Variants in SMG6 observed in about 807,000 individuals in gnomAD.
SMG6 encodes the protein telomerase-binding protein EST1A.
In SMG6, 66 loss-of-function variants were observed where a neutral mutation model predicts 142.2. That is an observed-to-expected ratio of 0.46 (90% CI 0.38 to 0.57). SMG6 has a LOEUF of 0.57. Among genes scored for constraint, SMG6 ranks in the 20% least tolerant of loss-of-function variants. The pLI is 0.00. For missense variants in SMG6, 1,793 were observed against 1,832.0 expected (o/e 0.98, Z 0.39); for synonymous variants, 779 against 702.4 (o/e 1.11, Z -1.72).
chr17:2,080,756 C>T (rs2068397280), intron 15 of SMG6, among the ~76,000 whole-genome samples: 1 of 152,018 alleles, frequency 6.6e-6, no homozygotes, highest in African/African-American at 2.4e-5. Context: ...TTGCCTCAGC[C>T]TCCTGAGTAG....
intron 13 of SMG6, among the ~76,000 whole-genome samples, chr17:2,129,028 G>C (rs551591485): frequency 6.6e-6 from 1 of 152,286 alleles, no homozygotes; most frequent in South Asian, 2.1e-4. Context: ...ACTATTTTAG[G>C]AAGAAAATGA....
At chr17:2,161,920 A>C (rs2071191197) in intron 13 of SMG6, among the ~76,000 whole-genome samples, 1 of 152,164 alleles carries the variant, frequency 6.6e-6, no homozygotes, top group Admixed American at 6.6e-5. Flanking sequence ...AGTCCCTTTA[A>C]ATATCTATGA....
chr17:2,243,582 G>A (rs1409205192), intron 9 of SMG6, among the ~76,000 whole-genome samples: 1 of 152,198 alleles, frequency 6.6e-6, no homozygotes, highest in Non-Finnish European at 1.5e-5. Flanking sequence ...TTGGGGGGCT[G>A]AGGCAGAAGA....
At chr17:2,134,908 C>CTCA (rs2070244821) in intron 13 of SMG6, among the ~76,000 whole-genome samples, 1 of 151,250 alleles carries the variant, frequency 6.6e-6, no homozygotes, top group African/African-American at 2.4e-5. Flanking sequence ...GAGACAGAGT[C>CTCA]TCACTCTGTC....
At chr17:2,303,444 G>A in intron 1 of SMG6, 189 bp downstream of exon 1, 1 of 1,303,888 alleles carries the variant, frequency 7.7e-7, no homozygotes, top group South Asian at 2.2e-5. Context: ...GCCAGGACTG[G>A]CCGAGCCCGA....
chr17:2,269,868 A>G (rs1335669659), intron 8 of SMG6, among the ~76,000 whole-genome samples: 2 of 152,174 alleles, frequency 1.3e-5, no homozygotes, highest in East Asian at 1.9e-4. Context: ...ATATCTGATA[A>G]AAGTAGGACT....
chr17:2,170,274 T>G (rs984680002), intron 13 of SMG6, among the ~76,000 whole-genome samples: 6 of 152,170 alleles, frequency 3.9e-5, no homozygotes, highest in Non-Finnish European at 8.8e-5. Context: ...TGGCTCTGTG[T>G]TCTCCTCGAG....
chr17:2,216,594 TAC>T (rs1356288107), intron 10 of SMG6, among the ~76,000 whole-genome samples: 1 of 152,246 alleles, frequency 6.6e-6, no homozygotes, highest in African/African-American at 2.4e-5. Flanking sequence ...AAACTCTTTA[TAC>T]ATTTTCAGAC....
chr17:2,303,749 G>A lies in SMG6; in HGVS notation c.-29C>T, dbSNP rs1368412483. On this transcript the variant is annotated 5_prime_UTR_variant, in exon 1 of 19. Coordinates refer to ENST00000263073, the MANE Select transcript of SMG6 (RefSeq NM_017575.5). ...CGCGGCTGCTGCTACAGCCGTAGCG[G>A]CTCCGCCACCGCCGCGCGCAGCCAG... 6 of 1,479,314 alleles carry A rather than the reference G, an allele frequency of 4.1e-6. No homozygotes were observed. Among genetic ancestry groups the A allele is most frequent in the Admixed American group, 2.3e-5 (1 of 42,766 alleles). The allele number at this position is 1,479,314 out of a possible 1,614,324, so 91.6% of individuals were successfully genotyped here. A position where few individuals can be genotyped will look rare whatever the true frequency, so the allele number is the denominator to read the frequency against.
chr17:2,233,322 G>C (rs2073552891), intron 10 of SMG6: 6 of 152,348 alleles, frequency 3.9e-5, no homozygotes, highest in Admixed American at 2.6e-4. Context: ...CACCCAGAAG[G>C]ACATGTCCAA....
chr17:2,094,012 C>T (rs1048969889), intron 13 of SMG6, among the ~76,000 whole-genome samples: 2 of 152,214 alleles, frequency 1.3e-5, no homozygotes, highest in African/African-American at 4.8e-5. Context: ...ATCCCTCTCC[C>T]TATTCTTCAG....
rs2071502004 is a variant in SMG6 at position 2,171,513 on chromosome 17, A to C, written c.3357+1145T>G. 2.0e-5 allele frequency among the ~76,000 whole-genome samples: 3 copies of C among 150,476 alleles called. No individual in the cohort carries two copies. In the South Asian group the frequency reaches 6.3e-4, roughly 32 times the overall value. On this transcript the variant is annotated intron_variant, in intron 13 of 18. Coordinates refer to ENST00000263073, the MANE Select transcript of SMG6 (RefSeq NM_017575.5). ...GTTTTCCAGATTTTCCACAGTGAAC[A>C]AATACTCTTTTATACTAAAAACTGT...
intron 10 of SMG6, among the ~76,000 whole-genome samples, chr17:2,207,488 C>T (rs1042171745): frequency 1.3e-5 from 2 of 151,928 alleles, no homozygotes; most frequent in African/African-American, 2.4e-5. Context: ...TGATCATGAA[C>T]GATCCATCCA....
At chr17:2,266,236 G>A in intron 8 of SMG6, 1 of 952,994 alleles carries the variant, frequency 1.0e-6, no homozygotes. Context: ...CACGTGGGGT[G>A]GAAAGTGGCC....
chr17:2,083,505 G>T (rs998031877), intron 14 of SMG6, among the ~76,000 whole-genome samples: 3 of 152,232 alleles, frequency 2.0e-5, no homozygotes, highest in African/African-American at 7.2e-5. Context: ...GATGGGGCCA[G>T]AACTGTCACT....
intron 10 of SMG6, among the ~76,000 whole-genome samples, chr17:2,208,316 C>T (rs1009392520): frequency 7.2e-5 from 11 of 152,122 alleles, no homozygotes; most frequent in Non-Finnish European, 1.3e-4. Context: ...GTTATCAGAC[C>T]TGTACTACAG....
chr17:2,235,766 GGGAAC>G (rs1360464877), intron 10 of SMG6: 1 of 152,552 alleles, frequency 6.6e-6, no homozygotes, highest in Non-Finnish European at 1.5e-5. Context: ...GTGAAATGAA[GGGAAC>G]GGAAGGGAAG....
At chr17:2,130,641 TGTTG>T (rs1484131488) in intron 13 of SMG6, among the ~76,000 whole-genome samples, 6 of 151,966 alleles carry the variant, frequency 3.9e-5, no homozygotes. Context: ...AAGAAAAATA[TGTTG>T]GTATATATTC....
intron 13 of SMG6, among the ~76,000 whole-genome samples, chr17:2,142,659 G>A (rs571830191): frequency 2.6e-5 from 4 of 152,066 alleles, no homozygotes; most frequent in East Asian, 1.9e-4. Context: ...TGAGGTGGGC[G>A]GATCACCTGA....
Sources: gnomAD v4.1 joint callset for allele counts (sites outside exome capture counted in the v4.1 genomes callset) on GRCh38, gnomAD v4.1.1 for gene constraint, MANE v1.5 for transcripts, NCBI Gene and HGNC (gene_info 2026-07-23, HGNC 2026-07-21) for gene names.